Variants in ROBO1 observed in about 807,000 individuals in gnomAD.
ROBO1 encodes roundabout homolog 1.
A neutral mutation model predicts 195.9 loss-of-function variants in ROBO1; 149 were observed. The observed-to-expected ratio is 0.76, with a 90% CI of 0.67 to 0.87. The LOEUF is 0.87. ROBO1 is among the 40% of genes least tolerant of loss of function. The pLI is 0.00. For synonymous variants in ROBO1, 816 were observed against 733.2 expected, an observed-to-expected ratio of 1.11 and a Z score of -1.82; for missense variants, 1,933 against 2,068.3, an observed-to-expected ratio of 0.93 and a Z score of 1.27.
intron 2 of ROBO1, among the ~76,000 whole-genome samples, chr3:79,485,289 T>C (rs908459909): frequency 1.3e-5 from 2 of 152,150 alleles, no homozygotes; most frequent in Admixed American, 1.3e-4. Flanking sequence ...ATTCAAAACA[T>C]TGAATTACTT....
intron 2 of ROBO1, among the ~76,000 whole-genome samples, chr3:79,145,680 T>A (rs2080633872): frequency 6.6e-6 from 1 of 151,988 alleles, no homozygotes; most frequent in Non-Finnish European, 1.5e-5. Context: ...GAAAGACTAT[T>A]GATGGGGGTC....
At chr3:78,946,324 T>C (rs959685137) in intron 3 of ROBO1, among the ~76,000 whole-genome samples, 6 of 152,222 alleles carry the variant, frequency 3.9e-5, no homozygotes, top group East Asian at 3.9e-4. Context: ...AGCTAATCTC[T>C]TGGCAGAAAC....
At position 79,012,986 on chromosome 3, in the gene ROBO1, C is replaced by G. The variant is rs576064640; in HGVS notation, c.173-74059G>C. 1.1e-4 allele frequency among the ~76,000 whole-genome samples: 16 copies of G among 152,110 alleles called. No individual in the cohort carries two copies. The East Asian group carries it at 2.9e-3, about 28-fold the overall frequency. On this transcript the variant is annotated intron_variant, in intron 3 of 30. Coordinates refer to ENST00000464233, the MANE Select transcript of ROBO1 (RefSeq NM_002941.4). ...CCTTTTGATCTCCACAGGATGGCAACTTTATTGGCTATGCATAAGCAGTTT... is the reference window on the plus strand; with the variant it reads ...CCTTTTGATCTCCACAGGATGGCAAGTTTATTGGCTATGCATAAGCAGTTT...
chr3:78,785,261 G>A (rs1248328045), intron 4 of ROBO1, among the ~76,000 whole-genome samples: 3 of 152,100 alleles, frequency 2.0e-5, no homozygotes, highest in African/African-American at 7.2e-5. Context: ...AAAACAATTA[G>A]AACACTCTTC....
chr3:79,725,223 C>CTTTTTTTTTTTT (rs35418345), intron 1 of ROBO1, among the ~76,000 whole-genome samples: 2 of 106,506 alleles, frequency 1.9e-5, no homozygotes, highest in Non-Finnish European at 3.6e-5. Context: ...CTCTCTTCTT[C>CTTTTTTTTTTTT]TTTTTTTTTT....
At chr3:78,810,246 T>C (rs2084694584) in intron 4 of ROBO1, among the ~76,000 whole-genome samples, 1 of 152,170 alleles carries the variant, frequency 6.6e-6, no homozygotes, top group South Asian at 2.1e-4. Flanking sequence ...ATTAATTTGT[T>C]TGGGACATTT....
chr3:79,309,408 C>T lies in ROBO1; in HGVS notation c.89-183869G>A, dbSNP rs113690228. Among the ~76,000 whole-genome samples the T allele has an allele frequency of 9.1e-4, 138 of 151,928 alleles. 1 individual carries two copies. The highest frequency in any genetic ancestry group is 2.9e-3 in the African/African-American group (122 of 41,438). Reference sequence around the variant, plus strand: ...ACACGGTGAAACCCCCATCTTGCCCCGTCTCTACAAAAACCCAGTCTCTAC... The same window carrying T: ...ACACGGTGAAACCCCCATCTTGCCCTGTCTCTACAAAAACCCAGTCTCTAC... On this transcript the variant is annotated intron_variant, in intron 2 of 30. Coordinates refer to ENST00000464233, the MANE Select transcript of ROBO1 (RefSeq NM_002941.4).
chr3:79,724,081 G>T (rs1245841489), intron 1 of ROBO1, among the ~76,000 whole-genome samples: 2 of 152,092 alleles, frequency 1.3e-5, no homozygotes, highest in African/African-American at 2.4e-5. Context: ...AGTCTTCGTT[G>T]TTCACTTGTT....
chr3:78,702,182 C>T (rs1182174582), intron 8 of ROBO1, among the ~76,000 whole-genome samples: 13 of 152,202 alleles, frequency 8.5e-5, no homozygotes, highest in South Asian at 2.1e-4. Context: ...TTTGCTAAAA[C>T]GATTCGCCAG....
At chr3:79,455,078 G>A (rs557898998) in intron 2 of ROBO1, among the ~76,000 whole-genome samples, 9 of 151,912 alleles carry the variant, frequency 5.9e-5, no homozygotes, top group Admixed American at 3.9e-4. Flanking sequence ...TACCTAATTG[G>A]TTAAAGTTAT....
chr3:79,554,825 TCTAA>T (rs1314562555), intron 2 of ROBO1, among the ~76,000 whole-genome samples: 1 of 152,144 alleles, frequency 6.6e-6, no homozygotes, highest in African/African-American at 2.4e-5. Context: ...AACATTGCTT[TCTAA>T]TCTATGAAGT....
chr3:79,058,351 G>A (rs900869657), intron 3 of ROBO1, among the ~76,000 whole-genome samples: 7 of 151,938 alleles, frequency 4.6e-5, no homozygotes, highest in African/African-American at 1.7e-4. Context: ...TGCATAGGAG[G>A]TTCATCTCAG....
At chr3:79,016,886 TAGAG>T (rs1219660151) in intron 3 of ROBO1, among the ~76,000 whole-genome samples, 1 of 152,074 alleles carries the variant, frequency 6.6e-6, no homozygotes, top group African/African-American at 2.4e-5. Flanking sequence ...GGGAGGCAAA[TAGAG>T]AGATCAGATT....
chr3:78,905,213 A>C (rs997760951), intron 4 of ROBO1, among the ~76,000 whole-genome samples: 3 of 152,118 alleles, frequency 2.0e-5, no homozygotes, highest in African/African-American at 4.8e-5. Flanking sequence ...CTCTTCTAAA[A>C]GGTTATTATT....
intron 3 of ROBO1, among the ~76,000 whole-genome samples, chr3:79,106,650 G>C (rs77697496): frequency 2.0e-5 from 3 of 151,436 alleles, no homozygotes; most frequent in African/African-American, 7.3e-5. Context: ...TAAAATTTAA[G>C]TCTACTTCTG....
intron 2 of ROBO1, among the ~76,000 whole-genome samples, chr3:79,433,496 T>C (rs1168630732): frequency 6.6e-6 from 1 of 152,070 alleles, no homozygotes; most frequent in African/African-American, 2.4e-5. Context: ...ACTCCTAGAC[T>C]CAAGCAATCC....
rs553345182 is a variant in ROBO1, at chr3:79,292,388, C to T, written c.89-166849G>A. Among the ~76,000 whole-genome samples, 4 of 152,270 alleles carry T rather than the reference C, an allele frequency of 2.6e-5. No homozygotes were observed. In the East Asian group the frequency reaches 7.7e-4, roughly 29 times the overall value. ...TTTATTTCTTTCTTTTGATTGATTT[C>T]CCTGGCCAGAACTTCCAATACTATG... is the stretch of plus-strand genomic sequence containing the variant. On this transcript the variant is annotated intron_variant, in intron 2 of 30. Transcript: ENST00000464233.
At chr3:79,742,135 C>T (rs569094676) in intron 1 of ROBO1, among the ~76,000 whole-genome samples, 1 of 152,230 alleles carries the variant, frequency 6.6e-6, no homozygotes, top group African/African-American at 2.4e-5. Context: ...GAAGAAAAAC[C>T]CATTTTCTGG....
At chr3:79,492,425 CAGAAAAAAA>C (rs933624087) in intron 2 of ROBO1, among the ~76,000 whole-genome samples, 11 of 85,674 alleles carry the variant, frequency 1.3e-4, no homozygotes, top group Non-Finnish European at 2.3e-4. Context: ...GACTCTGTTT[CAGAAAAAAA>C]AAAAAAAAAA....
Sources: gnomAD v4.1 joint callset for allele counts (sites outside exome capture counted in the v4.1 genomes callset) on GRCh38, gnomAD v4.1.1 for gene constraint, MANE v1.5 for transcripts, NCBI Gene and HGNC (gene_info 2026-07-23, HGNC 2026-07-21) for gene names.